The following GPHN variants were observed in gnomAD, a reference collection of about 807,000 sequenced individuals.
GPHN encodes the protein gephyrin.
In GPHN, 17 loss-of-function variants were observed where a neutral mutation model predicts 95.5. The observed-to-expected ratio is 0.18, with a 90% confidence interval of 0.12 to 0.27. GPHN has a LOEUF of 0.27. Among genes scored for constraint, GPHN ranks in the 10% least tolerant of loss-of-function variants. GPHN has a pLI of 1.00. For synonymous variants in GPHN, 320 were observed against 322.5 expected, an observed-to-expected ratio of 0.99 and a Z score of 0.08; for missense variants, 660 against 978.1, an observed-to-expected ratio of 0.67 and a Z score of 4.34.
intron 1 of GPHN, among the ~76,000 whole-genome samples, chr14:66,547,767 C>T (rs1486104931): frequency 6.6e-6 from 1 of 152,150 alleles, no homozygotes; most frequent in East Asian, 1.9e-4. Flanking sequence ...TGTTCTGAGG[C>T]ATTTATGCTG....
the GPHN span, among the ~76,000 whole-genome samples, chr14:67,670,551 T>C: frequency 6.6e-6 from 1 of 150,924 alleles, no homozygotes; most frequent in African/African-American, 2.4e-5. Flanking sequence ...ACACACTTGG[T>C]TGTAAGGTTT....
chr14:67,719,048 T>C, the GPHN span, among the ~76,000 whole-genome samples: 1 of 152,242 alleles, frequency 6.6e-6, no homozygotes, highest in Admixed American at 6.5e-5. Context: ...TTCCAACATC[T>C]GTTACAAGTT....
At chr14:67,224,027 T>G in the GPHN span, 1 of 962,626 alleles carries the variant, frequency 1.0e-6, no homozygotes, top group Non-Finnish European at 1.2e-6. Context: ...CTGGCATTAT[T>G]AAGCTCATCT....
chr14:67,097,991 A>G (rs751835470), intron 12 of GPHN, among the ~76,000 whole-genome samples: 3 of 152,214 alleles, frequency 2.0e-5, no homozygotes, highest in South Asian at 2.1e-4. Context: ...TATCCTTTTC[A>G]TTAGAAAATT....
intron 5 of GPHN, among the ~76,000 whole-genome samples, chr14:66,906,313 A>G (rs1306600431): frequency 6.6e-6 from 1 of 152,098 alleles, no homozygotes; most frequent in Non-Finnish European, 1.5e-5. Context: ...CCTCAGGTAT[A>G]TTTGTTCCTT....
the GPHN span, chr14:67,662,591 G>A: frequency 4.0e-6 from 6 of 1,483,104 alleles, no homozygotes; most frequent in Admixed American, 3.8e-5. Context: ...CATTTGTAAA[G>A]GCCATTCCCT....
chr14:67,473,502 C>T, the GPHN span: 1 of 1,614,160 alleles, frequency 6.2e-7, no homozygotes, highest in Non-Finnish European at 8.5e-7. The surrounding 1 kb of genome is among the most constrained non-coding windows in gnomAD (Gnocchi z 6.5). Context: ...GAAGCGGAGG[C>T]GGAGGGTGTT....
In GPHN at chr14:66,749,640, T is replaced by C. The variant is rs189593331; in HGVS notation, c.144-26824T>C. Among the ~76,000 whole-genome samples, 13 of 152,064 alleles carry C rather than the reference T, an allele frequency of 8.5e-5. No homozygotes were observed. The East Asian group carries it at 2.1e-3, about 25-fold the overall frequency. On this transcript the variant is annotated intron_variant, in intron 2 of 22. Coordinates refer to ENST00000478722, the MANE Select transcript of GPHN (RefSeq NM_020806.5). ...CATTATTATTTGTCATCTGTGTATC[T>C]TCTTTGGTGATGTGTTTGTTAAGGT...
chr14:67,566,804 G>C, the GPHN span, among the ~76,000 whole-genome samples: 30 of 151,634 alleles, frequency 2.0e-4, no homozygotes, highest in Non-Finnish European at 3.8e-4. Flanking sequence ...AAGTGTATGT[G>C]TGTGAGAGAG....
the GPHN span, among the ~76,000 whole-genome samples, chr14:67,370,186 T>C: frequency 1.3e-5 from 2 of 152,238 alleles, no homozygotes; most frequent in African/African-American, 4.8e-5. Flanking sequence ...GGGCCAGGTG[T>C]TCCTTGCCCT....
the GPHN span, chr14:67,674,723 T>C: frequency 4.7e-6 from 2 of 425,726 alleles, no homozygotes; most frequent in Non-Finnish European, 8.4e-6. Context: ...GTCGGGAGAC[T>C]GCGCGGCCTA....
chr14:67,306,868 A>G, the GPHN span, among the ~76,000 whole-genome samples: 1 of 152,242 alleles, frequency 6.6e-6, no homozygotes, highest in Non-Finnish European at 1.5e-5. Flanking sequence ...TAAAGAAATT[A>G]GAACCAATTT....
At chr14:67,640,883 A>G in the GPHN span, among the ~76,000 whole-genome samples, 1 of 152,220 alleles carries the variant, frequency 6.6e-6, no homozygotes, top group Non-Finnish European at 1.5e-5. Flanking sequence ...ATAGAGGTTG[A>G]GCGTCCCTAA....
intron 3 of GPHN, among the ~76,000 whole-genome samples, chr14:66,795,893 T>A (rs1432875367): frequency 6.6e-6 from 1 of 152,168 alleles, no homozygotes; most frequent in Admixed American, 6.5e-5. Flanking sequence ...ATTTCTGTAG[T>A]CACTCTGTTT....
intron 1 of GPHN, among the ~76,000 whole-genome samples, chr14:66,574,417 T>C (rs2060823205): frequency 6.6e-6 from 1 of 152,240 alleles, no homozygotes; most frequent in Non-Finnish European, 1.5e-5. Context: ...CATACTGTAG[T>C]TAAAAGTGAT....
chr14:66,870,030 T>C (rs1276083117), intron 4 of GPHN, among the ~76,000 whole-genome samples: 11 of 152,218 alleles, frequency 7.2e-5, no homozygotes, highest in Admixed American at 7.2e-4. Flanking sequence ...CCTATTGTTA[T>C]TGCCCTTAAC....
chr14:67,347,474 C>A, the GPHN span: 1 of 1,569,512 alleles, frequency 6.4e-7, no homozygotes, highest in South Asian at 1.1e-5. Context: ...CAGAAGCATA[C>A]ATGGATTCAT....
the GPHN span, among the ~76,000 whole-genome samples, chr14:67,531,751 T>C: frequency 6.7e-6 from 1 of 149,512 alleles, no homozygotes. Flanking sequence ...AAAATTTTTT[T>C]TTTTTTTTTT....
At chr14:67,589,613 G>A in the GPHN span, 4 of 985,986 alleles carry the variant, frequency 4.1e-6, no homozygotes, top group Non-Finnish European at 4.8e-6. Flanking sequence ...TAGGTTGACA[G>A]ACTCGTCTTT....
Sources: gnomAD v4.1 joint callset for allele counts (sites outside exome capture counted in the v4.1 genomes callset) on GRCh38, gnomAD v4.1.1 for gene constraint, Gnocchi (gnomAD v3.1) non-coding constraint, MANE v1.5 for transcripts, NCBI Gene and HGNC (gene_info 2026-07-23, HGNC 2026-07-21) for gene names.